The following CDKL5 variants were observed in gnomAD, a reference collection of about 807,000 sequenced individuals.
CDKL5 encodes cyclin-dependent kinase-like 5.
A neutral mutation model predicts 61.7 loss-of-function variants in CDKL5; 8 were observed. The ratio of observed to expected loss-of-function variants is 0.13; its 90% CI spans 0.08 to 0.23. The LOEUF (loss-of-function observed/expected upper bound fraction) is 0.23, where lower values mean the gene tolerates loss of function less well. CDKL5 is among the 10% of genes least tolerant of loss of function. CDKL5 has a pLI of 1.00. For synonymous variants in CDKL5, 275 were observed against 272.3 expected, an observed-to-expected ratio of 1.01 and a Z score of -0.10; for missense variants, 440 against 734.5, an observed-to-expected ratio of 0.60 and a Z score of 4.63.
In CDKL5 at chrX:18,445,662, G is replaced by C. The variant is rs749580349; in HGVS notation, c.-163+19967G>C. ...CCGTGCTGTTCCTGTGAGTTCTCAT[G>C]AGATCTGATGATTTTATAAGGGGCT... On this transcript the variant is annotated intron_variant, in intron 1 of 17. Transcript: ENST00000623535. 1.1e-4 allele frequency among the ~76,000 whole-genome samples: 12 copies of C among 111,143 alleles called. No homozygotes were observed. In the South Asian group the frequency reaches 4.6e-3, roughly 43 times the overall value.
At position 18,630,087 on chromosome X, in the gene CDKL5, A is replaced by G; in HGVS notation, c.*1330A>G. On this transcript the variant is annotated 3_prime_UTR_variant, in exon 18 of 18. Transcript: ENST00000623535. ...TATTGCTCTCTCCAATACCATATTT[A>G]AAAGGCTCCTGGAGCAATTCCAGAT... 3 of 753,671 alleles carry G rather than the reference A, an allele frequency of 4.0e-6. No homozygotes were observed. Among genetic ancestry groups the G allele is most frequent in the Non-Finnish European group, 4.7e-6 (3 of 638,912 alleles). The allele number at this position is 753,671 out of a possible 1,213,427, so 62.1% of individuals were successfully genotyped here.
rs553623325 is a variant in CDKL5 at position 18,650,928 on chromosome X, T to C, written c.2980+336T>C. Among the ~76,000 whole-genome samples, 37 of 112,223 alleles carry C rather than the reference T, an allele frequency of 3.3e-4. No homozygotes were observed. The South Asian group carries it at 0.014, about 42-fold the overall frequency. On this transcript the variant is annotated intron_variant, in intron 21 of 21. Transcript: ENST00000379989. ...TGCTGTAAGATTGAGTGAAACTATT[T>C]GGAGATTGTAGAGTTCGTAGAGCAC...
At chrX:18,606,174 TCACACACA>T (rs528800542) in intron 12 of CDKL5, among the ~76,000 whole-genome samples, 52 of 96,895 alleles carry the variant, frequency 5.4e-4, no homozygotes, top group East Asian at 2.3e-3. Context: ...AGCAAGACTG[TCACACACA>T]CACACACACA....
intron 3 of CDKL5, among the ~76,000 whole-genome samples, chrX:18,536,749 A>G (rs1023629636): frequency 9.1e-6 from 1 of 110,402 alleles, no homozygotes; most frequent in East Asian, 2.8e-4. Flanking sequence ...CCTGGCCTCA[A>G]TAAAGTTTTA....
rs539275678 is a variant in CDKL5 at position 18,618,233 on chromosome X, A to G, written c.2277-1634A>G. Among the ~76,000 whole-genome samples the G allele has an allele frequency of 1.2e-4, 13 of 112,377 alleles. No homozygotes were observed. The South Asian group carries it at 4.8e-3, about 41-fold the overall frequency. On this transcript the variant is annotated intron_variant, in intron 15 of 17. Coordinates refer to ENST00000623535, the MANE Select transcript of CDKL5 (RefSeq NM_001323289.2). ...ACCTGTGGTATTTTGTGAGACTTTC[A>G]TTCTGCTTGGTAAAAACTTCTACCC...
At chrX:18,448,247 A>G (rs1449310766) in intron 1 of CDKL5, among the ~76,000 whole-genome samples, 1 of 112,141 alleles carries the variant, frequency 8.9e-6, no homozygotes, top group Non-Finnish European at 1.9e-5. Context: ...TTCATATATT[A>G]TCTACAGTTG....
rs1020140417 is a variant in CDKL5, at chrX:18,631,960, G to T, written c.*3203G>T. The T allele has an allele frequency of 1.6e-6, 1 of 624,571 alleles. No individual in the cohort carries two copies. The allele number at this position is 624,571 out of a possible 1,213,427, so 51.5% of individuals were successfully genotyped here. A position where few individuals can be genotyped will look rare whatever the true frequency, so the allele number is the denominator to read the frequency against. On this transcript the variant is annotated 3_prime_UTR_variant, in exon 18 of 18. Transcript: ENST00000623535. Reference sequence around the variant, plus strand: ...CTGGGGACATTTGGTTGTCATAGCTGGGGGGGAGGTGATGGTATGCTACTG... The same window carrying T: ...CTGGGGACATTTGGTTGTCATAGCTTGGGGGGAGGTGATGGTATGCTACTG...
At chrX:18,554,240 G>C (rs1215647092) in intron 3 of CDKL5, among the ~76,000 whole-genome samples, 1 of 104,944 alleles carries the variant, frequency 9.5e-6, no homozygotes, top group Admixed American at 1.0e-4. Flanking sequence ...GACAGGCCCC[G>C]GTGTGTGATG....
chrX:18,612,678 A>G (rs1192122652), intron 14 of CDKL5, among the ~76,000 whole-genome samples: 2 of 108,434 alleles, frequency 1.8e-5, no homozygotes, highest in African/African-American at 3.4e-5. Context: ...AGAGAGAGAG[A>G]AAAAAAATAT....
At chrX:18,570,022 C>G (rs1925088103) in intron 4 of CDKL5, among the ~76,000 whole-genome samples, 2 of 111,629 alleles carry the variant, frequency 1.8e-5, no homozygotes, top group Admixed American at 9.6e-5. Context: ...AATTGATCAT[C>G]TGTTCTGTCT....
rs1928064535 is a variant in CDKL5 at position 18,651,894 on chromosome X, G to A, written c.2980+1302G>A. ...GTGGGCCTGGTTGAGCTCTTTTCAG[G>A]TCCACATGTGGCCTGCAGCCCTTCC... On this transcript the variant is annotated intron_variant, in intron 21 of 21. Coordinates refer to the CDKL5 transcript ENST00000379989. Among the ~76,000 whole-genome samples the A allele has an allele frequency of 2.7e-5, 3 of 110,229 alleles. No homozygotes were observed. In the Admixed American group the frequency reaches 2.9e-4, roughly 11 times the overall value.
intron 10 of CDKL5, among the ~76,000 whole-genome samples, 178 bp from the exon 11 acceptor site, chrX:18,598,284 A>G (rs1294821157): frequency 1.8e-5 from 2 of 111,177 alleles, no homozygotes; most frequent in Admixed American, 1.9e-4. Flanking sequence ...AAAGAGGAAA[A>G]TGATGATGAG....
chrX:18,473,061 C>T (rs1214662840), intron 1 of CDKL5, among the ~76,000 whole-genome samples: 1 of 107,467 alleles, frequency 9.3e-6, no homozygotes, highest in Non-Finnish European at 1.9e-5. Context: ...ATGCAAGCCA[C>T]TTTCCTGCCT....
rs935730887 is a variant in CDKL5 at position 18,639,462 on chromosome X, T to C, written c.*10705T>C. Among the ~76,000 whole-genome samples the C allele has an allele frequency of 1.8e-5, 2 of 112,379 alleles. No homozygotes were observed. Among genetic ancestry groups the C allele is most frequent in the Non-Finnish European group, 3.8e-5 (2 of 53,304 alleles). ...ATGCAAATCAAAACCACAGTTGAGA[T>C]GCAACTTCACACATTATGGGTATAG... On this transcript the variant is annotated 3_prime_UTR_variant, in exon 18 of 18. Transcript: ENST00000623535.
At chrX:18,642,288 C>A (rs1379171165), downstream of CDKL5, 6 of 655,871 alleles carry the variant, frequency 9.1e-6, no homozygotes, top group African/African-American at 2.2e-5. Flanking sequence ...TTGCGGGTGC[C>A]CCCCAAAATC....
intron 1 of CDKL5, among the ~76,000 whole-genome samples, chrX:18,469,841 AT>A (rs1189290450): frequency 8.9e-6 from 1 of 111,955 alleles, no homozygotes; most frequent in Non-Finnish European, 1.9e-5. Context: ...AAAATTACCA[AT>A]TTTTAGTCCA....
chrX:18,629,242 T>C lies in CDKL5; in HGVS notation c.*485T>C, dbSNP rs1266029139. The C allele has an allele frequency of 4.1e-6, 3 of 735,673 alleles. No homozygotes were observed. Among genetic ancestry groups the C allele is most frequent in the Non-Finnish European group, 4.8e-6 (3 of 623,595 alleles). The allele number at this position is 735,673 out of a possible 1,213,427, so 60.6% of individuals were successfully genotyped here. A position where few individuals can be genotyped will look rare whatever the true frequency, so the allele number is the denominator to read the frequency against. ...AGGGTTAGCAGATGAACTGTATGTC[T>C]TAAATTGTTTTCTAAACTTCCATAT... On this transcript the variant is annotated 3_prime_UTR_variant, in exon 18 of 18. Coordinates refer to ENST00000623535, the MANE Select transcript of CDKL5 (RefSeq NM_001323289.2).
At chrX:18,609,831 G>A (rs1195462990) in intron 14 of CDKL5, among the ~76,000 whole-genome samples, 1 of 111,409 alleles carries the variant, frequency 9.0e-6, no homozygotes, top group Non-Finnish European at 1.9e-5. Context: ...GCTGTGTTCT[G>A]ACCATACCAC....
intron 1 of CDKL5, among the ~76,000 whole-genome samples, chrX:18,502,608 G>A (rs1275593050): frequency 9.0e-6 from 1 of 111,075 alleles, no homozygotes; most frequent in Non-Finnish European, 1.9e-5. Context: ...GAAGTGACAT[G>A]GTCTGAGTTA....
Sources: allele counts gnomAD v4.1 joint callset (sites outside exome capture counted in the v4.1 genomes callset), GRCh38; gene constraint gnomAD v4.1.1; transcripts MANE v1.5; gene names NCBI Gene and HGNC (gene_info 2026-07-23, HGNC 2026-07-21).